FBF1: variants seen among roughly 807,000 people sequenced by gnomAD.
The protein encoded by FBF1 is fas-binding factor 1.
A neutral mutation model predicts 147.2 loss-of-function variants in FBF1; 119 were observed. That is an observed-to-expected ratio of 0.81 (90% confidence interval 0.70 to 0.94). The LOEUF (loss-of-function observed/expected upper bound fraction) is 0.94, where lower values mean the gene tolerates loss of function less well. Ranked by LOEUF, FBF1 falls within the 40% of genes least tolerant of loss-of-function variation. FBF1 has a pLI of 0.00. For missense variants in FBF1, 1,449 were observed against 1,500.8 expected (o/e 0.97, Z 0.57); for synonymous variants, 601 against 609.0 (o/e 0.99, Z 0.19).
In FBF1 at chr17:75,923,635, G is replaced by A. The variant is rs1182836925; in HGVS notation, c.975C>T (p.Phe325=). Residue 325 remains phenylalanine, a synonymous_variant, in exon 14 of 30, where the codon TTC becomes TTT. Transcript: ENST00000636174. The surrounding 1 kb of genome is among the most constrained non-coding windows in gnomAD (Gnocchi z 4.1). The part of the protein sequence containing the change: ...RQSRRQSVSR[F]FADSGADPKG... ...TGGGGTCTGCGCCACTGTCTGCGAA[G>A]AACCTACTTCAAGACAGAAAGGAGG... 2.5e-6 allele frequency: 4 copies of A among 1,600,472 alleles called. No individual in the cohort carries two copies. Among genetic ancestry groups the A allele is most frequent in the Non-Finnish European group, 3.4e-6 (4 of 1,173,386 alleles).
chr17:75,917,714 CAGG>C lies in FBF1; in HGVS notation c.2505+15_2505+17del. The C allele has an allele frequency of 6.5e-7, 1 of 1,548,406 alleles. No individual in the cohort carries two copies. The highest frequency in any genetic ancestry group is 8.7e-7 in the Non-Finnish European group (1 of 1,147,010). On this transcript the variant is annotated intron_variant, in intron 23 of 29. Coordinates refer to ENST00000636174, the MANE Select transcript of FBF1 (RefSeq NM_001319193.2). ...CCCGTGGCAGGAGGGGCAGGAGGGCCAGGAGGACGGGCCTCACCTGCTCCAGCA... is the reference window on the plus strand; with the variant it reads ...CCCGTGGCAGGAGGGGCAGGAGGGCCAGGACGGGCCTCACCTGCTCCAGCA...
intron 9 of FBF1, 43 bp downstream of exon 9, chr17:75,927,412 C>A: frequency 6.5e-7 from 1 of 1,541,094 alleles, no homozygotes; most frequent in Non-Finnish European, 8.8e-7. Flanking sequence ...TGCTCCACTC[C>A]CAAACCAGAG....
chr17:75,932,506 C>T (rs2065600182), intron 5 of FBF1, among the ~76,000 whole-genome samples: 1 of 152,182 alleles, frequency 6.6e-6, no homozygotes, highest in Non-Finnish European at 1.5e-5. Flanking sequence ...AATCCCAGCA[C>T]TTTGGGAGAC....
rs979423807 is a variant in FBF1, at chr17:75,923,340, C to A, written c.1270G>T (p.Ala424Ser). The stretch of plus-strand genomic sequence containing the variant: ...TCCTTGGAGGCTCGCAGCTTGGAAG[C>A]CTGGCTGGCTTTGGCAGGGGACCCT... ...GAGSPAKASQASKLRASKEEK... is the reference protein window; with the variant it reads ...GAGSPAKASQSSKLRASKEEK... The change falls in exon 14 of 30, where the codon GCT becomes TCT. Residue 424 changes from alanine to serine, a missense_variant. By Grantham distance (99) the Ala-to-Ser change is moderately conservative. Transcript: ENST00000636174. The surrounding 1 kb of genome is among the most constrained non-coding windows in gnomAD (Gnocchi z 4.1). 4 of 1,603,370 alleles carry A rather than the reference C, an allele frequency of 2.5e-6. No homozygotes were observed. In the East Asian group the frequency reaches 6.7e-5, roughly 27 times the overall value.
chr17:75,935,969 A>G (rs1307024983), intron 3 of FBF1, among the ~76,000 whole-genome samples: 1 of 151,952 alleles, frequency 6.6e-6, no homozygotes, highest in Non-Finnish European at 1.5e-5. Flanking sequence ...TGAAGTCAGG[A>G]GTTCGAGACC....
rs190436793 is a variant in FBF1 at position 75,937,092 on chromosome 17, C to T, written c.31+474G>A. Among the ~76,000 whole-genome samples, 426 of 152,256 alleles carry T rather than the reference C, an allele frequency of 2.8e-3. 3 individuals are homozygous for T. The highest frequency in any genetic ancestry group is 9.3e-3 in the African/African-American group (388 of 41,534). On this transcript the variant is annotated intron_variant, in intron 3 of 29. Transcript: ENST00000636174. ...TCATATCTTATTTACGTCTGAACTT[C>T]TCTGAGGACCAGTGAGGCAACATAA... is the stretch of plus-strand genomic sequence containing the variant.
At chr17:75,927,320 A>T (rs1037160277) in intron 9 of FBF1, 135 bp downstream of exon 9, 2 of 700,602 alleles carry the variant, frequency 2.9e-6, no homozygotes, top group Non-Finnish European at 4.9e-6. Context: ...TGGTCCCGAC[A>T]TGAATTCACG....
rs935395885 is a variant in FBF1 at position 75,925,671 on chromosome 17, ATG to A, written c.869-227_869-226del. ...CTCGAGGTCAGGTCCAGCGAGCGGC[ATG>A]TGTCACAAGAATGATTCTCAGCAGA... On this transcript the variant is annotated intron_variant, in intron 12 of 29. Coordinates refer to ENST00000636174, the MANE Select transcript of FBF1 (RefSeq NM_001319193.2). The surrounding 1 kb of genome is among the most constrained non-coding windows in gnomAD (Gnocchi z 5.0). Among the ~76,000 whole-genome samples, 5 of 152,200 alleles carry A rather than the reference ATG, an allele frequency of 3.3e-5. No individual in the cohort carries two copies. Among genetic ancestry groups the A allele is most frequent in the Non-Finnish European group, 7.3e-5 (5 of 68,032 alleles).
Position 75,914,057 on chromosome 17 carries a change from G to GGAGGCCGCCTGGGTC in FBF1, c.2992-22_2992-8dup. On this transcript the variant is annotated splice_region_variant and splice_polypyrimidine_tract_variant and intron_variant, in intron 26 of 29. Coordinates refer to ENST00000636174, the MANE Select transcript of FBF1 (RefSeq NM_001319193.2). ...CGTACTTCTCGGAGGCCACCTGCAGGGAGGCCGCCTGGGTCAGGGCTGCCT... is the reference window on the plus strand; with the variant it reads ...CGTACTTCTCGGAGGCCACCTGCAGGGAGGCCGCCTGGGTCGAGGCCGCCTGGGTCAGGGCTGCCT... The GGAGGCCGCCTGGGTC allele has an allele frequency of 1.3e-6, 2 of 1,591,760 alleles. No individual in the cohort carries two copies. Among genetic ancestry groups the GGAGGCCGCCTGGGTC allele is most frequent in the Non-Finnish European group, 1.7e-6 (2 of 1,175,596 alleles).
chr17:75,920,707 C>A (rs941481952), intron 17 of FBF1, among the ~76,000 whole-genome samples: 1 of 152,202 alleles, frequency 6.6e-6, no homozygotes, highest in Non-Finnish European at 1.5e-5. Flanking sequence ...TGAACCCCAG[C>A]AGAGTCTTCG....
At chr17:75,913,843 A>G in intron 27 of FBF1, 24 bp from the exon 28 acceptor site, 1 of 1,584,772 alleles carries the variant, frequency 6.3e-7, no homozygotes. Context: ...CCCAGAAAGA[A>G]GGACTCAGCT....
intron 29 of FBF1, among the ~76,000 whole-genome samples, chr17:75,911,109 AG>A (rs2065454443): frequency 6.6e-6 from 1 of 152,046 alleles, no homozygotes; most frequent in Non-Finnish European, 1.5e-5. Flanking sequence ...GGGCTGTGTG[AG>A]GGTAAAAGCT....
intron 5 of FBF1, 90 bp downstream of exon 5, chr17:75,932,905 G>T: frequency 1.3e-6 from 1 of 783,664 alleles, no homozygotes; most frequent in Non-Finnish European, 1.9e-6. Context: ...AAAATGGCGA[G>T]CAAATGTGAA....
chr17:75,922,442 T>G lies in FBF1; in HGVS notation c.1425-396A>C, dbSNP rs1567860648. ...CTTTCCCATTATTTCCACCTCTTTC[T>G]CGGCTCACGGGTCAGTGAAGAGACA... On this transcript the variant is annotated intron_variant, in intron 14 of 29. Transcript: ENST00000636174. This position sits in a 1 kb window ranked among gnomAD's most constrained non-coding sequence, Gnocchi z 5.0. 6.6e-6 allele frequency among the ~76,000 whole-genome samples: 1 copy of G among 152,192 alleles called. No individual in the cohort carries two copies. The highest frequency in any genetic ancestry group is 2.4e-5 in the African/African-American group (1 of 41,442).
intron 29 of FBF1, among the ~76,000 whole-genome samples, chr17:75,911,555 G>A (rs72865805): frequency 0.024 from 3,656 of 152,108 alleles, 77 homozygotes; most frequent in Middle Eastern, 0.048. Context: ...ACAGAGTCTC[G>A]CTCTGTTGCC....
In FBF1 at chr17:75,919,485, C is replaced by A. The variant is rs1035238606; in HGVS notation, c.2138+183G>T. 6.6e-6 allele frequency among the ~76,000 whole-genome samples: 1 copy of A among 152,184 alleles called. No individual in the cohort carries two copies. Among genetic ancestry groups the A allele is most frequent in the African/African-American group, 2.4e-5 (1 of 41,458 alleles). ...CTGCCTCTGTAAGAGCAGGTGGCACCCCCACCCATGGGTGTGATGGGTCAG... is the reference window on the plus strand; with the variant it reads ...CTGCCTCTGTAAGAGCAGGTGGCACACCCACCCATGGGTGTGATGGGTCAG... On this transcript the variant is annotated intron_variant, in intron 20 of 29. Coordinates refer to ENST00000636174, the MANE Select transcript of FBF1 (RefSeq NM_001319193.2). The surrounding 1 kb of genome is among the most constrained non-coding windows in gnomAD (Gnocchi z 5.0).
chr17:75,922,207 T>C lies in FBF1; in HGVS notation c.1425-161A>G. 1 of 590,550 alleles carries C rather than the reference T, an allele frequency of 1.7e-6. No homozygotes were observed. Among genetic ancestry groups the C allele is most frequent in the Non-Finnish European group, 3.0e-6 (1 of 333,376 alleles). The allele number at this position is 590,550 out of a possible 1,614,324, so 36.6% of individuals were successfully genotyped here. A position where few individuals can be genotyped will look rare whatever the true frequency, so the allele number is the denominator to read the frequency against. On this transcript the variant is annotated intron_variant, in intron 14 of 29. Transcript: ENST00000636174. This position sits in a 1 kb window ranked among gnomAD's most constrained non-coding sequence, Gnocchi z 5.0. ...CATTCTCCTCCCACGTCTGAGCTCC[T>C]GGGATTTCTGGGCATCTCTTCCCTT... is the stretch of plus-strand genomic sequence containing the variant.
intron 29 of FBF1, among the ~76,000 whole-genome samples, chr17:75,911,453 C>T (rs988488180): frequency 6.6e-6 from 1 of 152,182 alleles, no homozygotes; most frequent in Non-Finnish European, 1.5e-5. Flanking sequence ...CTCAAGCAAT[C>T]CTCCCACCTC....
rs369138477 is a variant in FBF1 at position 75,923,395 on chromosome 17, G to A, written c.1215C>T (p.Pro405=). The A allele has an allele frequency of 1.3e-4, 211 of 1,607,098 alleles. No individual in the cohort carries two copies. The highest frequency in any genetic ancestry group is 8.5e-4 in the South Asian group (76 of 89,726). ...SQHSTPAGLP[P]SRAKPPTEGA... ...CTTCAGTTGGTGGCTTTGCCCTGGA[G>A]GGGGGCAGCCCAGCTGGCGTGGAGT... The change falls in exon 14 of 30, where the codon CCC becomes CCT. Residue 405 remains proline, a synonymous_variant. Transcript: ENST00000636174. This position sits in a 1 kb window ranked among gnomAD's most constrained non-coding sequence, Gnocchi z 4.1.
Sources: gnomAD v4.1 joint callset for allele counts (sites outside exome capture counted in the v4.1 genomes callset) on GRCh38, gnomAD v4.1.1 for gene constraint, Gnocchi (gnomAD v3.1) non-coding constraint, MANE v1.5 for transcripts, NCBI Gene and HGNC (gene_info 2026-07-23, HGNC 2026-07-21) for gene names.